ANK3: variants seen among roughly 807,000 people sequenced by gnomAD.
The protein encoded by ANK3 is ankyrin-3.
In ANK3, 57 loss-of-function variants were observed where a neutral mutation model predicts 370.9. That is an observed-to-expected ratio of 0.15 (90% CI 0.12 to 0.19). ANK3 has a LOEUF of 0.19. Among genes scored for constraint, ANK3 ranks in the 10% least tolerant of loss-of-function variants. ANK3 has a pLI of 1.00. For synonymous variants in ANK3, 1,929 were observed against 1,946.3 expected (o/e 0.99, Z 0.23); for missense variants, 4,439 against 5,302.1 (o/e 0.84, Z 5.06).
Position 60,173,119 on chromosome 10 carries a change from T to C in ANK3, c.2252A>G (p.Gln751Arg), listed in dbSNP as rs2095838765. 1 of 1,614,154 alleles carries C rather than the reference T, an allele frequency of 6.2e-7. No individual in the cohort carries two copies. ...TTTGGCATTAACTTTTGCAGAATGCTGGAGCAGGAAATTAACAATCTTGAT... is the reference window on the plus strand; with the variant it reads ...TTTGGCATTAACTTTTGCAGAATGCCGGAGCAGGAAATTAACAATCTTGAT... ...GNIKIVNFLL[Q>R]HSAKVNAKTK... Residue 751 changes from glutamine (Q) to arginine (R), a missense_variant, in exon 19 of 44, where the codon CAG becomes CGG. By Grantham distance (43) the Gln-to-Arg change is conservative. This residue lies in a region of ANK3 where 702 missense variants were observed against 941.5 expected (regional missense o/e 0.75). Transcript: ENST00000280772.
At chr10:60,117,885 A>G (rs1002746179) in intron 25 of ANK3, among the ~76,000 whole-genome samples, 3 of 152,366 alleles carry the variant, frequency 2.0e-5, no homozygotes, top group East Asian at 3.9e-4. Flanking sequence ...GCATAACAAG[A>G]TAAGCATCAA....
chr10:60,502,668 G>A (rs1368527597), intron 2 of ANK3, among the ~76,000 whole-genome samples: 7 of 151,270 alleles, frequency 4.6e-5, no homozygotes, highest in South Asian at 2.1e-4. Flanking sequence ...TCCAGTCTGC[G>A]CAACATAGGG....
Position 60,464,728 on chromosome 10 carries a change from C to G in ANK3, c.96+150458G>C, listed in dbSNP as rs72807909. Among the ~76,000 whole-genome samples the G allele has an allele frequency of 4.9e-3, 748 of 152,244 alleles. 4 individuals are homozygous for G. The highest frequency in any genetic ancestry group is 6.2e-3 in the Non-Finnish European group (422 of 68,012). On this transcript the variant is annotated intron_variant, in intron 2 of 43. Transcript: ENST00000373827. Reference sequence around the variant, plus strand: ...GTCAAAGTGCCTCATGTCAAATATTCAACAACAAAATTATAACACAAATGT... The same window carrying G: ...GTCAAAGTGCCTCATGTCAAATATTGAACAACAAAATTATAACACAAATGT...
intron 2 of ANK3, among the ~76,000 whole-genome samples, chr10:60,567,025 GC>G (rs2077479480): frequency 1.3e-5 from 2 of 152,200 alleles, no homozygotes; most frequent in South Asian, 4.1e-4. Context: ...AAGGAAAGAA[GC>G]TGTCTTCATA....
chr10:60,294,320 T>G (rs1593205083), intron 1 of ANK3, among the ~76,000 whole-genome samples: 1 of 152,134 alleles, frequency 6.6e-6, no homozygotes, highest in East Asian at 1.9e-4. Context: ...GGTCAGATAA[T>G]TAGAGGCCTG....
At chr10:60,178,749 G>T (rs2096053999) in intron 18 of ANK3, among the ~76,000 whole-genome samples, 2 of 152,154 alleles carry the variant, frequency 1.3e-5, no homozygotes, top group Admixed American at 1.3e-4. Context: ...TCCCTAATTA[G>T]TGTCCTCTAA....
At chr10:60,596,542 C>T (rs542817687) in intron 2 of ANK3, among the ~76,000 whole-genome samples, 1 of 152,020 alleles carries the variant, frequency 6.6e-6, no homozygotes, top group Non-Finnish European at 1.5e-5. Flanking sequence ...ATCCACTAAA[C>T]CTGATAGGAT....
chr10:60,034,787 C>T (rs1317994482), intron 43 of ANK3, among the ~76,000 whole-genome samples: 1 of 152,238 alleles, frequency 6.6e-6, no homozygotes, highest in Non-Finnish European at 1.5e-5. Flanking sequence ...ACCCACCTCT[C>T]TCTTTCCCTT....
intron 2 of ANK3, among the ~76,000 whole-genome samples, chr10:60,470,355 C>A (rs746730839): frequency 6.6e-6 from 1 of 152,032 alleles, no homozygotes; most frequent in Non-Finnish European, 1.5e-5. Flanking sequence ...ATAACCATGA[C>A]AATAAATAAA....
At chr10:60,213,098 T>C (rs1173513252) in intron 9 of ANK3, among the ~76,000 whole-genome samples, 1 of 152,154 alleles carries the variant, frequency 6.6e-6, no homozygotes, top group East Asian at 1.9e-4. Context: ...TTAGAGAGTG[T>C]AGAACTTTAG....
At chr10:60,320,326 G>T (rs962544858) in intron 1 of ANK3, among the ~76,000 whole-genome samples, 2 of 152,210 alleles carry the variant, frequency 1.3e-5, no homozygotes, top group African/African-American at 4.8e-5. Context: ...TGGTATGGTG[G>T]CTCATGCCTC....
At chr10:60,302,892 C>T (rs1350444584) in intron 1 of ANK3, among the ~76,000 whole-genome samples, 1 of 151,646 alleles carries the variant, frequency 6.6e-6, no homozygotes. Context: ...AATAGAAGGC[C>T]CGGAAAAAAA....
At chr10:60,195,441 CA>C in intron 16 of ANK3, among the ~76,000 whole-genome samples, 1 of 151,700 alleles carries the variant, frequency 6.6e-6, no homozygotes, top group African/African-American at 2.4e-5. Context: ...AATGGTCCTC[CA>C]ACCAATAGTG....
intron 1 of ANK3, among the ~76,000 whole-genome samples, chr10:60,336,433 T>C (rs994099922): frequency 6.6e-6 from 1 of 152,182 alleles, no homozygotes; most frequent in Non-Finnish European, 1.5e-5. Context: ...CCCTGGATGC[T>C]CTTCTCCCAG....
intron 1 of ANK3, among the ~76,000 whole-genome samples, chr10:60,389,054 G>A (rs1189271498): frequency 1.3e-5 from 2 of 152,094 alleles, no homozygotes; most frequent in Non-Finnish European, 2.9e-5. Flanking sequence ...ACAAAGCCTG[G>A]TTCTCTGGCC....
chr10:60,510,051 T>C (rs1175972121), intron 2 of ANK3, among the ~76,000 whole-genome samples: 1 of 152,094 alleles, frequency 6.6e-6, no homozygotes, highest in Non-Finnish European at 1.5e-5. Context: ...GGTCTCTTTA[T>C]AACATTTTGA....
intron 2 of ANK3, among the ~76,000 whole-genome samples, chr10:60,413,651 A>T (rs1383463360): frequency 6.6e-6 from 1 of 152,150 alleles, no homozygotes; most frequent in Non-Finnish European, 1.5e-5. Flanking sequence ...AAAAAAAGGG[A>T]CTCGAAATGT....
chr10:60,563,359 C>T (rs868237513), intron 2 of ANK3, among the ~76,000 whole-genome samples: 2 of 152,182 alleles, frequency 1.3e-5, no homozygotes, highest in Admixed American at 6.5e-5. Flanking sequence ...CCCAAGCTAA[C>T]CTTACTGGCT....
chr10:60,181,184 T>C, intron 18 of ANK3, 145 bp downstream of exon 18: 1 of 796,772 alleles, frequency 1.3e-6, no homozygotes, highest in East Asian at 2.5e-5. Flanking sequence ...GACTTTAGTG[T>C]CCCTTGCATA....
Sources: allele counts gnomAD v4.1 joint callset (sites outside exome capture counted in the v4.1 genomes callset), GRCh38; gene constraint gnomAD v4.1.1; regional missense constraint gnomAD v4.1.1; transcripts MANE v1.5; gene names NCBI Gene and HGNC (gene_info 2026-07-23, HGNC 2026-07-21).